FRS2: variants seen among roughly 807,000 people sequenced by gnomAD.
The protein encoded by FRS2 is fibroblast growth factor receptor substrate 2.
Under a neutral mutation model 43.9 loss-of-function variants are expected in FRS2, and 8 were observed. The observed-to-expected ratio is 0.18, with a 90% CI of 0.11 to 0.33. FRS2 has a LOEUF of 0.33. FRS2 is among the 10% of genes least tolerant of loss of function. The pLI, the probability that FRS2 is intolerant of heterozygous loss-of-function variation, is 1.00. For missense variants in FRS2, 534 were observed against 627.6 expected (o/e 0.85, Z 1.59); for synonymous variants, 219 against 220.3 (o/e 0.99, Z 0.05).
At chr12:69,537,973 T>C (rs1449615332) in intron 3 of FRS2, 1 of 152,478 alleles carries the variant, frequency 6.6e-6, no homozygotes, top group Non-Finnish European at 1.5e-5. Flanking sequence ...CTTGCTGTCA[T>C]CTTCTGCAAG....
chr12:69,571,618 T>G (rs756673467), intron 7 of FRS2, among the ~76,000 whole-genome samples, 184 bp downstream of exon 7: 5 of 152,158 alleles, frequency 3.3e-5, no homozygotes, highest in Non-Finnish European at 5.9e-5. Context: ...TCCCAGCACT[T>G]TGGGAGGCTG....
At chr12:69,554,772 A>G (rs1331624084) in intron 3 of FRS2, among the ~76,000 whole-genome samples, 1 of 151,472 alleles carries the variant, frequency 6.6e-6, no homozygotes, top group Non-Finnish European at 1.5e-5. Flanking sequence ...TGGCATGATC[A>G]CAGCTCACTG....
intron 1 of FRS2, among the ~76,000 whole-genome samples, chr12:69,494,360 C>T (rs1385368731): frequency 6.6e-6 from 1 of 152,168 alleles, no homozygotes; most frequent in South Asian, 2.1e-4. Flanking sequence ...CTGCCTAGGG[C>T]TTCTGTTTCA....
intron 1 of FRS2, among the ~76,000 whole-genome samples, chr12:69,524,108 T>A (rs1212274965): frequency 6.6e-6 from 1 of 152,110 alleles, no homozygotes; most frequent in African/African-American, 2.4e-5. Flanking sequence ...GGAATAGAAT[T>A]GGGCACTCAT....
intron 1 of FRS2, among the ~76,000 whole-genome samples, chr12:69,503,001 C>G (rs1003442732): frequency 1.3e-5 from 2 of 152,202 alleles, no homozygotes; most frequent in Non-Finnish European, 2.9e-5. Context: ...CATCAAAAAT[C>G]TGGATACATG....
chr12:69,516,487 G>A (rs763491294), intron 1 of FRS2, among the ~76,000 whole-genome samples: 1 of 152,090 alleles, frequency 6.6e-6, no homozygotes, highest in Non-Finnish European at 1.5e-5. Flanking sequence ...CAAAGTGCTG[G>A]GATTACAGGC....
intron 1 of FRS2, among the ~76,000 whole-genome samples, chr12:69,497,156 T>C (rs1303642938): frequency 3.9e-5 from 6 of 152,334 alleles, no homozygotes; most frequent in African/African-American, 1.4e-4. Context: ...CCTGCACTCA[T>C]GTAGCCTACA....
chr12:69,480,887 C>T (rs1871294039), intron 1 of FRS2, among the ~76,000 whole-genome samples: 1 of 152,110 alleles, frequency 6.6e-6, no homozygotes, highest in African/African-American at 2.4e-5. Flanking sequence ...GGTGCCACGC[C>T]TTCTTGTCTT....
In FRS2 at chr12:69,557,621, C is replaced by CGCGT. The variant is rs1555192545; in HGVS notation, c.-121-4556_-121-4555insTGCG. On this transcript the variant is annotated intron_variant, in intron 3 of 8. Coordinates refer to ENST00000549921, the MANE Select transcript of FRS2 (RefSeq NM_001278356.2). ...GTGTGTGTGTGTGTGTGTGTGTGTG[C>CGCGT]GCGCGCGCGCGCGCGCAGGTGCATG... Among the ~76,000 whole-genome samples, 184 of 82,326 alleles carry CGCGT rather than the reference C, an allele frequency of 2.2e-3. 1 individual carries two copies. Among genetic ancestry groups the CGCGT allele is most frequent in the African/African-American group, 8.0e-3 (175 of 21,940 alleles). The allele number at this position is 82,326 out of a possible 152,430, so 54.0% of individuals were successfully genotyped here.
At chr12:69,556,550 T>A (rs1021157912) in intron 3 of FRS2, among the ~76,000 whole-genome samples, 2 of 152,102 alleles carry the variant, frequency 1.3e-5, no homozygotes, top group Non-Finnish European at 2.9e-5. Context: ...GGTCTTGAAC[T>A]TCTGACCTCA....
chr12:69,573,260 G>C (rs559442897), intron 8 of FRS2, among the ~76,000 whole-genome samples: 2 of 152,222 alleles, frequency 1.3e-5, no homozygotes, highest in African/African-American at 4.8e-5. Context: ...ATCTAGTGGA[G>C]TTAATCTTCT....
rs1016146459 is a variant in FRS2, at chr12:69,577,444, A to C, written c.*2489A>C. The stretch of plus-strand genomic sequence containing the variant: ...ATGTACCTATTACTAGGTGCATTTT[A>C]GAATGAAATATTGATATTTTATTAG... On this transcript the variant is annotated 3_prime_UTR_variant, in exon 9 of 9. Coordinates refer to ENST00000549921, the MANE Select transcript of FRS2 (RefSeq NM_001278356.2). The C allele has an allele frequency of 4.6e-5, 7 of 152,250 alleles. No homozygotes were observed. The highest frequency in any genetic ancestry group is 1.7e-4 in the African/African-American group (7 of 41,454). The allele number at this position is 152,250 out of a possible 1,614,324, so 9.4% of individuals were successfully genotyped here. A position where few individuals can be genotyped will look rare whatever the true frequency, so the allele number is the denominator to read the frequency against.
chr12:69,529,793 C>T (rs1460337629), intron 1 of FRS2, among the ~76,000 whole-genome samples: 1 of 152,168 alleles, frequency 6.6e-6, no homozygotes, highest in Non-Finnish European at 1.5e-5. Flanking sequence ...GATGTGGCAG[C>T]TCACGCCTGT....
intron 1 of FRS2, among the ~76,000 whole-genome samples, chr12:69,511,676 C>G (rs896208879): frequency 6.6e-6 from 1 of 152,112 alleles, no homozygotes; most frequent in Non-Finnish European, 1.5e-5. Flanking sequence ...GAATGGTAAA[C>G]TGCTCATATC....
intron 1 of FRS2, among the ~76,000 whole-genome samples, chr12:69,481,587 C>T (rs7135091): frequency 0.39 from 58,895 of 151,928 alleles, 12,063 homozygotes; most frequent in South Asian, 0.58. Context: ...AAACCTGGCC[C>T]GAGAAATTTA....
chr12:69,501,196 G>T (rs1873410383), intron 1 of FRS2, among the ~76,000 whole-genome samples: 1 of 151,312 alleles, frequency 6.6e-6, no homozygotes, highest in South Asian at 2.1e-4. Context: ...TCATTGTATT[G>T]CTACATATGA....
intron 1 of FRS2, among the ~76,000 whole-genome samples, chr12:69,493,919 T>C (rs1359129981): frequency 6.6e-6 from 1 of 152,206 alleles, no homozygotes; most frequent in East Asian, 1.9e-4. Context: ...TCATCTGCAT[T>C]CCATTAATAT....
intron 1 of FRS2, among the ~76,000 whole-genome samples, chr12:69,478,587 T>C (rs1261897669): frequency 1.3e-5 from 2 of 152,222 alleles, no homozygotes; most frequent in African/African-American, 4.8e-5. Context: ...AAATAATTCA[T>C]CTTTTTCTTT....
chr12:69,538,233 A>ATT (rs1159777459), intron 3 of FRS2, among the ~76,000 whole-genome samples: 1 of 90,586 alleles, frequency 1.1e-5, no homozygotes, highest in Admixed American at 1.1e-4. Flanking sequence ...AGCATTGCAG[A>ATT]TTATATATAT....
Sources: allele counts gnomAD v4.1 joint callset (sites outside exome capture counted in the v4.1 genomes callset), GRCh38; gene constraint gnomAD v4.1.1; transcripts MANE v1.5; gene names NCBI Gene and HGNC (gene_info 2026-07-23, HGNC 2026-07-21).